The following ENPP6 variants were observed in gnomAD, a reference collection of about 807,000 sequenced individuals.
The protein encoded by ENPP6 is glycerophosphocholine cholinephosphodiesterase ENPP6.
Under a neutral mutation model 42.0 loss-of-function variants are expected in ENPP6, and 32 were observed. The observed-to-expected ratio is 0.76, with a 90% CI of 0.58 to 1.02. ENPP6 has a LOEUF of 1.02. Ranked by LOEUF, ENPP6 falls within the 50% of genes least tolerant of loss-of-function variation. The pLI, the probability that ENPP6 is intolerant of heterozygous loss-of-function variation, is 0.00. For synonymous variants in ENPP6, 213 were observed against 216.0 expected (o/e 0.99, Z 0.12); for missense variants, 552 against 566.8 (o/e 0.97, Z 0.27).
intron 1 of ENPP6, among the ~76,000 whole-genome samples, chr4:184,166,903 CT>C: frequency 6.6e-6 from 1 of 152,200 alleles, no homozygotes. Flanking sequence ...TAGTAGGTGG[CT>C]ACTTTGGCAA....
At chr4:184,156,324 G>A (rs571126830) in intron 1 of ENPP6, among the ~76,000 whole-genome samples, 3 of 152,266 alleles carry the variant, frequency 2.0e-5, no homozygotes, top group Admixed American at 1.3e-4. Flanking sequence ...AGTCGAAGTC[G>A]ACTCAGACTC....
intron 5 of ENPP6, among the ~76,000 whole-genome samples, chr4:184,113,951 CT>C (rs1396977788): frequency 7.7e-4 from 100 of 129,968 alleles, no homozygotes; most frequent in African/African-American, 2.7e-3. Context: ...TTCTTTCTTT[CT>C]TTCTTTCTTT....
chr4:184,131,073 C>A (rs1455254292), intron 2 of ENPP6, among the ~76,000 whole-genome samples: 1 of 152,160 alleles, frequency 6.6e-6, no homozygotes, highest in Non-Finnish European at 1.5e-5. Flanking sequence ...CGTATACAGT[C>A]AACTTTATAA....
intron 1 of ENPP6, among the ~76,000 whole-genome samples, chr4:184,207,344 A>C (rs1056400397): frequency 3.3e-5 from 5 of 152,220 alleles, no homozygotes; most frequent in Non-Finnish European, 5.9e-5. Context: ...AAATGATGCT[A>C]AGTTACGCTG....
intron 1 of ENPP6, among the ~76,000 whole-genome samples, chr4:184,195,350 A>G (rs1226795795): frequency 6.6e-6 from 1 of 152,026 alleles, no homozygotes; most frequent in Non-Finnish European, 1.5e-5. Flanking sequence ...CTCATCATTC[A>G]GCTCCCACTC....
intron 1 of ENPP6, among the ~76,000 whole-genome samples, chr4:184,155,912 T>C (rs183546043): frequency 1.0e-3 from 154 of 152,362 alleles, no homozygotes; most frequent in African/African-American, 3.7e-3. Flanking sequence ...CATTCTTCTT[T>C]GTTCTCTGCT....
intron 3 of ENPP6, among the ~76,000 whole-genome samples, chr4:184,122,954 A>T (rs187501338): frequency 1.8e-4 from 27 of 152,336 alleles, no homozygotes; most frequent in Non-Finnish European, 3.4e-4. Context: ...GCAGCGCAAT[A>T]TACCGGCTCA....
chr4:184,170,921 T>C (rs1010363138), intron 1 of ENPP6, among the ~76,000 whole-genome samples: 2 of 152,164 alleles, frequency 1.3e-5, no homozygotes, highest in Non-Finnish European at 2.9e-5. Context: ...AGTCACAAAA[T>C]CCCTTCCCAG....
intron 1 of ENPP6, among the ~76,000 whole-genome samples, chr4:184,209,736 C>T (rs1249100254): frequency 5.7e-4 from 84 of 147,176 alleles, no homozygotes; most frequent in African/African-American, 2.0e-3. Flanking sequence ...ATACAGAGAA[C>T]GCCACAAAGA....
At chr4:184,173,476 C>T (rs564542568) in intron 1 of ENPP6, among the ~76,000 whole-genome samples, 16 of 152,276 alleles carry the variant, frequency 1.1e-4, no homozygotes, top group Admixed American at 3.9e-4. Context: ...TTGAATTCGA[C>T]GACCAAGAAG....
At chr4:184,132,548 A>G (rs1459007320) in intron 2 of ENPP6, among the ~76,000 whole-genome samples, 1 of 151,454 alleles carries the variant, frequency 6.6e-6, no homozygotes, top group South Asian at 2.1e-4. Flanking sequence ...TTCATCAGTC[A>G]TTTTTCTACA....
At position 184,124,209 on chromosome 4, in the gene ENPP6, G is replaced by T. The variant is rs189118421; in HGVS notation, c.485C>A (p.Thr162Lys). The change falls in exon 3 of 8, where the codon ACG becomes AAG. Residue 162 changes from threonine to lysine, a missense_variant. Around this residue, in one of 2 missense-constraint regions of ENPP6, gnomAD observed 545 missense variants for 546.3 expected, o/e 1.00. Coordinates refer to ENST00000296741, the MANE Select transcript of ENPP6 (RefSeq NM_153343.4). Reference protein sequence around the residue: ...TYCLEYKNVPTDINFANAVSD... With the variant: ...TYCLEYKNVPKDINFANAVSD... ...GACTGCATTGGCAAAATTGATATCC[G>T]TTGGGACATTTTTATATTCTAGGCA... The T allele has an allele frequency of 1.9e-6, 3 of 1,614,014 alleles. No individual in the cohort carries two copies. Among genetic ancestry groups the T allele is most frequent in the Non-Finnish European group, 2.5e-6 (3 of 1,179,960 alleles).
chr4:184,117,567 C>T (rs1390097049), intron 4 of ENPP6, among the ~76,000 whole-genome samples, 192 bp downstream of exon 4: 1 of 152,184 alleles, frequency 6.6e-6, no homozygotes, highest in Non-Finnish European at 1.5e-5. Flanking sequence ...CTCTCACTGG[C>T]CTGGCTGTGG....
intron 1 of ENPP6, among the ~76,000 whole-genome samples, chr4:184,174,258 C>T (rs1298903911): frequency 6.6e-6 from 1 of 151,782 alleles, no homozygotes; most frequent in Non-Finnish European, 1.5e-5. Context: ...CTGCCTCAGC[C>T]TCCCAAGTAG....
Position 184,146,315 on chromosome 4 carries a change from C to T in ENPP6, c.421+7239G>A, listed in dbSNP as rs575611960. Reference sequence around the variant, plus strand: ...GCATGGTGGTGGGTGCTTGTAATCCCAGCTACTCGGGAGGCTGAGGCAGAG... The same window carrying T: ...GCATGGTGGTGGGTGCTTGTAATCCTAGCTACTCGGGAGGCTGAGGCAGAG... On this transcript the variant is annotated intron_variant, in intron 2 of 7. Transcript: ENST00000296741. Among the ~76,000 whole-genome samples, 294 of 151,680 alleles carry T rather than the reference C, an allele frequency of 1.9e-3. 2 individuals carry two copies. Among genetic ancestry groups the T allele is most frequent in the African/African-American group, 6.9e-3 (286 of 41,388 alleles).
chr4:184,097,213 G>A (rs1228265969), intron 7 of ENPP6, 32 bp downstream of exon 7: 1 of 1,613,566 alleles, frequency 6.2e-7, no homozygotes, highest in Admixed American at 1.7e-5. Context: ...TGGGAATGGG[G>A]TCTGAGAGCA....
chr4:184,206,121 T>G (rs1039330138), intron 1 of ENPP6, among the ~76,000 whole-genome samples: 29 of 152,142 alleles, frequency 1.9e-4, no homozygotes, highest in African/African-American at 6.3e-4. Flanking sequence ...GCTCACAAGC[T>G]GGGGCAATGT....
intron 1 of ENPP6, 91 bp downstream of exon 1, chr4:184,217,488 C>T (rs1212694052): frequency 6.6e-7 from 1 of 1,525,410 alleles, no homozygotes; most frequent in African/African-American, 1.4e-5. Context: ...GAATCCAGAG[C>T]ATTTAAATAA....
At chr4:184,195,952 A>C (rs574676533) in intron 1 of ENPP6, among the ~76,000 whole-genome samples, 76 of 152,288 alleles carry the variant, frequency 5.0e-4, no homozygotes, top group Non-Finnish European at 8.1e-4. Context: ...GAGCTGATCA[A>C]CTGCTTGACC....
Sources: gnomAD v4.1 joint callset for allele counts (sites outside exome capture counted in the v4.1 genomes callset) on GRCh38, gnomAD v4.1.1 for gene constraint, gnomAD v4.1.1 regional missense constraint, MANE v1.5 for transcripts, NCBI Gene and HGNC (gene_info 2026-07-23, HGNC 2026-07-21) for gene names.